The following SRRM4 variants were observed in gnomAD, a reference collection of about 807,000 sequenced individuals.
SRRM4 encodes serine/arginine repetitive matrix protein 4.
A neutral mutation model predicts 68.9 loss-of-function variants in SRRM4; 33 were observed. The observed-to-expected ratio is 0.48, with a 90% CI of 0.36 to 0.64. The LOEUF (loss-of-function observed/expected upper bound fraction) is 0.64, where lower values mean the gene tolerates loss of function less well. Among genes scored for constraint, SRRM4 ranks in the 30% least tolerant of loss-of-function variants. SRRM4 has a pLI of 0.00. For missense variants in SRRM4, 817 were observed against 827.1 expected (o/e 0.99, Z 0.15); for synonymous variants, 318 against 318.8 (o/e 1.00, Z 0.03).
Position 119,151,234 on chromosome 12 carries a change from TGA to T in SRRM4, c.1280+15_1280+16del. 6.2e-7 allele frequency: 1 copy of T among 1,610,330 alleles called. No homozygotes were observed. Among genetic ancestry groups the T allele is most frequent in the South Asian group, 1.1e-5 (1 of 91,020 alleles). ...TTCTGAAAAAAGGTGAGTGTGGTTTTGACCTTTGCTCTGCAGCACCTTTCTCC... is the reference window on the plus strand; with the variant it reads ...TTCTGAAAAAAGGTGAGTGTGGTTTTCCTTTGCTCTGCAGCACCTTTCTCC... On this transcript the variant is annotated intron_variant, in intron 10 of 12. Transcript: ENST00000267260.
At chr12:119,017,247 A>G (rs913790014) in intron 1 of SRRM4, among the ~76,000 whole-genome samples, 8 of 152,258 alleles carry the variant, frequency 5.3e-5, no homozygotes, top group African/African-American at 1.2e-4. Context: ...GCATCGTGGT[A>G]GAAAAGTCAC....
intron 1 of SRRM4, among the ~76,000 whole-genome samples, chr12:119,075,668 ATGATGATGG>A (rs1425236903): frequency 3.3e-5 from 5 of 149,254 alleles, no homozygotes; most frequent in East Asian, 2.0e-4. Context: ...GATGATGGTG[ATGATGATGG>A]TGATGATGGT....
intron 2 of SRRM4, among the ~76,000 whole-genome samples, chr12:119,102,806 G>A (rs1263006794): frequency 6.6e-6 from 1 of 152,138 alleles, no homozygotes; most frequent in Admixed American, 6.6e-5. Flanking sequence ...AGGAGTTTCA[G>A]GTCTCTGCAT....
At chr12:119,143,866 C>T (rs1592915575) in intron 8 of SRRM4, among the ~76,000 whole-genome samples, 1 of 151,964 alleles carries the variant, frequency 6.6e-6, no homozygotes, top group South Asian at 2.1e-4. Flanking sequence ...CCTTCTTGGT[C>T]CCCCAGATTT....
chr12:119,116,954 C>T lies in SRRM4; in HGVS notation c.383C>T (p.Pro128Leu). ...CCTGGCAGGTCCTCATCCTATAGCC[C>T]ATCGCCTGTCAAGAAAAAGAAGAAG... ...KKRRRSSSYS[P>L]SPVKKKKKKS... is the part of the protein sequence containing the mutation. Residue 128 changes from proline to leucine, a missense_variant, in exon 4 of 13, where the codon CCA (proline) becomes CTA (leucine). By Grantham distance (98) the Pro-to-Leu change is moderately conservative. Transcript: ENST00000267260. The T allele has an allele frequency of 1.2e-6, 2 of 1,613,610 alleles. No individual in the cohort carries two copies. The highest frequency in any genetic ancestry group is 8.5e-7 in the Non-Finnish European group (1 of 1,179,722).
rs138191633 is a variant in SRRM4 at position 119,052,680 on chromosome 12, C to T, written c.132-49556C>T. Among the ~76,000 whole-genome samples, 1,015 of 152,260 alleles carry T rather than the reference C, an allele frequency of 6.7e-3. 14 individuals carry two copies. Among genetic ancestry groups the T allele is most frequent in the African/African-American group, 0.023 (975 of 41,536 alleles). The stretch of plus-strand genomic sequence containing the variant: ...AGTAGCTGGGACTACAGGCACCCGC[C>T]ACCACCCCGGACTAATTTTTTGTAT... On this transcript the variant is annotated intron_variant, in intron 1 of 12. Coordinates refer to ENST00000267260, the MANE Select transcript of SRRM4 (RefSeq NM_194286.4).
At chr12:119,120,225 A>AC (rs1565912798) in intron 4 of SRRM4, 25 bp from the exon 5 acceptor site, 2 of 1,390,588 alleles carry the variant, frequency 1.4e-6, no homozygotes, top group Admixed American at 4.9e-5. Flanking sequence ...TCTTCTTTTC[A>AC]TTTTTTTTCT....
intron 1 of SRRM4, among the ~76,000 whole-genome samples, chr12:119,035,962 T>C (rs1953624382): frequency 6.6e-6 from 1 of 152,178 alleles, no homozygotes; most frequent in Admixed American, 6.5e-5. Context: ...TTAGTCGATC[T>C]CTGATTGGAT....
intron 2 of SRRM4, among the ~76,000 whole-genome samples, chr12:119,112,925 A>C (rs189901841): frequency 6.6e-6 from 1 of 152,256 alleles, no homozygotes; most frequent in Admixed American, 6.5e-5. Flanking sequence ...TATGTAACAA[A>C]CCTGCACATC....
chr12:119,144,617 C>T (rs946365941), intron 8 of SRRM4: 1 of 152,180 alleles, frequency 6.6e-6, no homozygotes, highest in Admixed American at 6.5e-5. Context: ...AGAGCCTTAG[C>T]TACCTTCTAC....
At chr12:119,137,923 G>C (rs546464969) in intron 8 of SRRM4, among the ~76,000 whole-genome samples, 6 of 152,122 alleles carry the variant, frequency 3.9e-5, no homozygotes, top group Admixed American at 6.5e-5. Flanking sequence ...ACACTTCACA[G>C]ATCTGGAAGG....
intron 12 of SRRM4, among the ~76,000 whole-genome samples, chr12:119,155,126 T>C (rs2723882): frequency 0.65 from 98,417 of 152,130 alleles, 32,303 homozygotes; most frequent in African/African-American, 0.75. Flanking sequence ...GAATGCAGAG[T>C]ACACAATGTG....
chr12:119,140,377 CAAA>C (rs368797079), intron 8 of SRRM4, among the ~76,000 whole-genome samples: 1 of 141,238 alleles, frequency 7.1e-6, no homozygotes. Flanking sequence ...GACTCTGTCT[CAAA>C]AAAAAAAAAA....
At chr12:119,026,882 C>T (rs2136004215) in intron 1 of SRRM4, among the ~76,000 whole-genome samples, 1 of 152,218 alleles carries the variant, frequency 6.6e-6, no homozygotes, top group Admixed American at 6.5e-5. Context: ...ATTGGAGAAC[C>T]CCCAGTTTAT....
intron 11 of SRRM4, 52 bp downstream of exon 11, chr12:119,153,701 T>A: frequency 7.4e-7 from 1 of 1,352,028 alleles, no homozygotes. Context: ...ACCCCTTTGC[T>A]CTGATCCTCC....
chr12:119,151,299 T>C (rs944612020), intron 10 of SRRM4, 79 bp downstream of exon 10: 3 of 1,341,776 alleles, frequency 2.2e-6, no homozygotes, highest in Non-Finnish European at 3.2e-6. Flanking sequence ...CTTTGACCCA[T>C]GGGGGAGAGA....
Position 119,057,913 on chromosome 12 carries a change from C to T in SRRM4, c.132-44323C>T, listed in dbSNP as rs1362794874. 4.6e-5 allele frequency among the ~76,000 whole-genome samples: 7 copies of T among 152,168 alleles called. No homozygotes were observed. The East Asian group carries it at 1.3e-3, about 29-fold the overall frequency. On this transcript the variant is annotated intron_variant, in intron 1 of 12. Transcript: ENST00000267260. ...GGTCCAGGGTTTTTTCTATCCCTCA[C>T]AGCTGCTTTCAGAACAAAGGCACAA...
At chr12:119,099,341 C>T (rs971978854) in intron 1 of SRRM4, among the ~76,000 whole-genome samples, 1 of 152,152 alleles carries the variant, frequency 6.6e-6, no homozygotes, top group Non-Finnish European at 1.5e-5. Flanking sequence ...GCCATATTGG[C>T]CAGGCTGGTC....
At chr12:119,067,441 T>C (rs1953852705) in intron 1 of SRRM4, among the ~76,000 whole-genome samples, 1 of 152,208 alleles carries the variant, frequency 6.6e-6, no homozygotes, top group Non-Finnish European at 1.5e-5. Flanking sequence ...GTGCAGTGTT[T>C]CATGCCTGTA....
Sources: allele counts gnomAD v4.1 joint callset (sites outside exome capture counted in the v4.1 genomes callset), GRCh38; gene constraint gnomAD v4.1.1; transcripts MANE v1.5; gene names NCBI Gene and HGNC (gene_info 2026-07-23, HGNC 2026-07-21).